TMTC2: variants seen among roughly 807,000 people sequenced by gnomAD.
TMTC2 encodes the protein protein O-mannosyl-transferase TMTC2.
A neutral mutation model predicts 82.4 loss-of-function variants in TMTC2; 43 were observed. The ratio of observed to expected loss-of-function variants is 0.52; its 90% CI spans 0.41 to 0.67. The LOEUF (loss-of-function observed/expected upper bound fraction) is 0.67. Ranked by LOEUF, TMTC2 falls within the 30% of genes least tolerant of loss-of-function variation. The pLI is 0.00. For synonymous variants in TMTC2, 408 were observed against 381.9 expected, an observed-to-expected ratio of 1.07 and a Z score of -0.80; for missense variants, 919 against 1,012.4, an observed-to-expected ratio of 0.91 and a Z score of 1.25.
chr12:82,959,438 C>A (rs1308084358), intron 4 of TMTC2, among the ~76,000 whole-genome samples: 3 of 151,984 alleles, frequency 2.0e-5, no homozygotes, highest in African/African-American at 7.2e-5. Flanking sequence ...ATAAGGCTGC[C>A]ATAACCAAAA....
intron 1 of TMTC2, among the ~76,000 whole-genome samples, chr12:82,720,100 T>C (rs527833480): frequency 1.8e-4 from 28 of 152,250 alleles, no homozygotes; most frequent in Admixed American, 1.4e-3. Context: ...AGTTCACCCA[T>C]TTAAACTCAA....
chr12:82,932,985 T>C (rs1050457098), intron 4 of TMTC2, among the ~76,000 whole-genome samples: 3 of 152,190 alleles, frequency 2.0e-5, no homozygotes, highest in South Asian at 2.1e-4. Flanking sequence ...CATGACAGCA[T>C]AGGAATTGAC....
intron 1 of TMTC2, among the ~76,000 whole-genome samples, chr12:82,734,951 T>C (rs1875008492): frequency 6.6e-6 from 1 of 152,148 alleles, no homozygotes; most frequent in African/African-American, 2.4e-5. Flanking sequence ...AGAAGGGTGC[T>C]CAGTTAATAG....
chr12:82,947,196 C>G (rs1877055298), intron 4 of TMTC2, among the ~76,000 whole-genome samples: 1 of 152,112 alleles, frequency 6.6e-6, no homozygotes, highest in African/African-American at 2.4e-5. Flanking sequence ...GTACATTTGC[C>G]TGTTTGAAAT....
chr12:82,942,010 G>A (rs1052111186), intron 4 of TMTC2, among the ~76,000 whole-genome samples: 1 of 151,996 alleles, frequency 6.6e-6, no homozygotes, highest in Non-Finnish European at 1.5e-5. Context: ...TCTAGTGCTG[G>A]GATTACAGGC....
At chr12:82,745,496 C>G (rs1875643365) in intron 1 of TMTC2, among the ~76,000 whole-genome samples, 1 of 152,122 alleles carries the variant, frequency 6.6e-6, no homozygotes, top group Admixed American at 6.6e-5. Flanking sequence ...TTGTAAATGC[C>G]ACAGTGTTGT....
chr12:82,731,293 C>T (rs988351672), intron 1 of TMTC2, among the ~76,000 whole-genome samples: 3 of 152,164 alleles, frequency 2.0e-5, no homozygotes, highest in African/African-American at 4.8e-5. Flanking sequence ...AATGTTTCTG[C>T]GTAGGTTGCC....
intron 11 of TMTC2, among the ~76,000 whole-genome samples, chr12:83,073,639 A>G (rs986442436): frequency 2.0e-5 from 3 of 152,106 alleles, no homozygotes; most frequent in African/African-American, 7.2e-5. Context: ...GTCATTTAAC[A>G]TAATCCCAGA....
intron 11 of TMTC2, among the ~76,000 whole-genome samples, chr12:83,087,621 T>G (rs1229414736): frequency 6.6e-6 from 1 of 152,242 alleles, no homozygotes; most frequent in Non-Finnish European, 1.5e-5. Context: ...ACAACGTTAA[T>G]TTCCTTGTGC....
At chr12:82,807,510 A>G (rs1251494367) in intron 1 of TMTC2, among the ~76,000 whole-genome samples, 1 of 152,142 alleles carries the variant, frequency 6.6e-6, no homozygotes, top group East Asian at 1.9e-4. Context: ...TACTGCACCA[A>G]ATATGGACTT....
At chr12:83,005,467 C>T (rs543480639) in intron 8 of TMTC2, among the ~76,000 whole-genome samples, 111 of 152,132 alleles carry the variant, frequency 7.3e-4, no homozygotes, top group African/African-American at 2.7e-3. Context: ...TTATCATATA[C>T]GTTATTGGAC....
intron 4 of TMTC2, among the ~76,000 whole-genome samples, chr12:82,951,136 C>A (rs889885316): frequency 6.6e-6 from 1 of 152,154 alleles, no homozygotes; most frequent in South Asian, 2.1e-4. Flanking sequence ...CAGATTTCAG[C>A]TTTGGAGACC....
chr12:82,843,177 C>T (rs1160298876), intron 1 of TMTC2, among the ~76,000 whole-genome samples: 1 of 152,080 alleles, frequency 6.6e-6, no homozygotes, highest in African/African-American at 2.4e-5. Flanking sequence ...ATCTCTGCCT[C>T]CCGGGTTCAA....
chr12:82,906,280 A>G (rs1874302073), intron 3 of TMTC2, among the ~76,000 whole-genome samples: 1 of 152,208 alleles, frequency 6.6e-6, no homozygotes. Flanking sequence ...AACAAATTCT[A>G]TTATTATATT....
intron 11 of TMTC2, among the ~76,000 whole-genome samples, chr12:83,071,085 A>G (rs771951009): frequency 9.2e-5 from 14 of 151,596 alleles, no homozygotes; most frequent in Non-Finnish European, 1.8e-4. Context: ...TGTTGGATTC[A>G]GTTAGCTAGT....
At chr12:83,108,904 G>A (rs1884506615) in intron 11 of TMTC2, among the ~76,000 whole-genome samples, 2 of 152,060 alleles carry the variant, frequency 1.3e-5, no homozygotes, top group Non-Finnish European at 1.5e-5. Flanking sequence ...TAATGAAATT[G>A]TATTATTTTC....
intron 3 of TMTC2, among the ~76,000 whole-genome samples, chr12:82,913,303 C>T (rs11115482): frequency 0.068 from 10,308 of 152,122 alleles, 417 homozygotes; most frequent in African/African-American, 0.09. Flanking sequence ...AGAGGCTGTG[C>T]ACTGCTTTGG....
At chr12:82,919,415 C>A (rs1483521712) in intron 3 of TMTC2, among the ~76,000 whole-genome samples, 1 of 152,182 alleles carries the variant, frequency 6.6e-6, no homozygotes, top group East Asian at 1.9e-4. Context: ...TTGTACCAGG[C>A]ACCCAAAATT....
intron 1 of TMTC2, among the ~76,000 whole-genome samples, chr12:82,843,160 C>A (rs980124444): frequency 6.6e-6 from 1 of 152,098 alleles, no homozygotes; most frequent in Non-Finnish European, 1.5e-5. Context: ...AATCTCGGCT[C>A]ACTGCAATCT....
Sources: allele counts gnomAD v4.1 joint callset (sites outside exome capture counted in the v4.1 genomes callset), GRCh38; gene constraint gnomAD v4.1.1; transcripts MANE v1.5; gene names NCBI Gene and HGNC (gene_info 2026-07-23, HGNC 2026-07-21).